Variants in MGST3 observed in about 807,000 individuals in gnomAD.
The protein encoded by MGST3 is glutathione S-transferase 3, mitochondrial.
In MGST3, 13 loss-of-function variants were observed where a neutral mutation model predicts 15.8. The ratio of observed to expected loss-of-function variants is 0.82; its 90% confidence interval spans 0.54 to 1.31. The LOEUF is 1.31. MGST3 is among the 50% of genes most tolerant of loss of function. MGST3 has a pLI of 0.00. For missense variants in MGST3, 155 were observed against 192.4 expected (o/e 0.81, Z 1.15); for synonymous variants, 49 against 68.1 (o/e 0.72, Z 1.38).
chr1:165,632,293 A>G (rs1268606039), intron 1 of MGST3: 3 of 1,612,178 alleles, frequency 1.9e-6, no homozygotes, highest in Non-Finnish European at 2.5e-6. Context: ...TGTTGGGCCT[A>G]GGTGTGGTCC....
At chr1:165,649,014 A>G (rs775344596) in intron 1 of MGST3, 10 of 152,322 alleles carry the variant, frequency 6.6e-5, no homozygotes, top group Non-Finnish European at 1.3e-4. Context: ...ATTACCAGGG[A>G]TGGAAATTTT....
intron 1 of MGST3, among the ~76,000 whole-genome samples, chr1:165,642,742 G>C (rs1012315257): frequency 2.6e-5 from 4 of 152,158 alleles, no homozygotes; most frequent in Non-Finnish European, 1.5e-5. Flanking sequence ...AGGAAACTGA[G>C]GTGCTGAAAG....
chr1:165,643,976 T>G lies in MGST3; in HGVS notation c.-7-5865T>G, dbSNP rs573291952. Among the ~76,000 whole-genome samples, 51 of 151,728 alleles carry G rather than the reference T, an allele frequency of 3.4e-4. 1 individual carries two copies. Among genetic ancestry groups the G allele is most frequent in the Admixed American group, 2.2e-3 (33 of 15,220 alleles). On this transcript the variant is annotated intron_variant, in intron 1 of 5. Transcript: ENST00000367889. Reference sequence around the variant, plus strand: ...GGGAGGCTGAGTTGGGAGGATCACCTGAGCCCAGAAGGTCAAGGCTGCAGT... The same window carrying G: ...GGGAGGCTGAGTTGGGAGGATCACCGGAGCCCAGAAGGTCAAGGCTGCAGT...
At chr1:165,635,999 G>A (rs1313542308) in intron 1 of MGST3, among the ~76,000 whole-genome samples, 2 of 152,136 alleles carry the variant, frequency 1.3e-5, no homozygotes, top group African/African-American at 4.8e-5. Context: ...TCATTACCTA[G>A]GTTTCTGTTC....
chr1:165,644,761 C>T (rs9333445), intron 1 of MGST3, among the ~76,000 whole-genome samples: 5,186 of 151,800 alleles, frequency 0.034, 95 homozygotes, highest in Non-Finnish European at 0.041. Flanking sequence ...TTTTTGTTTT[C>T]TTTTGTTTTT....
rs773665647 is a variant in MGST3 at position 165,634,505 on chromosome 1, A to G, written c.-8+3212A>G. On this transcript the variant is annotated intron_variant, in intron 1 of 5. Coordinates refer to ENST00000367889, the MANE Select transcript of MGST3 (RefSeq NM_004528.4). ...TCTCCTACTTTTCTTCCTCTAGTCT[A>G]TATCACTACCCTTCAGACACACTGG... is the stretch of plus-strand genomic sequence containing the variant. Among the ~76,000 whole-genome samples, 15 of 152,166 alleles carry G rather than the reference A, an allele frequency of 9.9e-5. No homozygotes were observed. In the South Asian group the frequency reaches 1.9e-3, roughly 19 times the overall value.
chr1:165,640,174 TG>T (rs1483191517), intron 1 of MGST3, among the ~76,000 whole-genome samples: 2 of 152,262 alleles, frequency 1.3e-5, no homozygotes, highest in Non-Finnish European at 2.9e-5. Context: ...AACCCAATGG[TG>T]GTCACAGGAT....
At chr1:165,651,759 G>A in intron 3 of MGST3, 1 of 480,500 alleles carries the variant, frequency 2.1e-6, no homozygotes, top group South Asian at 2.1e-5. Flanking sequence ...GCCAGGCATG[G>A]TGGCACGCAC....
chr1:165,633,908 T>C (rs1402826262), intron 1 of MGST3, among the ~76,000 whole-genome samples: 1 of 152,198 alleles, frequency 6.6e-6, no homozygotes, highest in Admixed American at 6.5e-5. Flanking sequence ...TGCAAACCTA[T>C]ATGCCTGAAA....
At position 165,649,964 on chromosome 1, in the gene MGST3, G is replaced by C. The variant is rs747362047; in HGVS notation, c.117G>C (p.Glu39Asp). ...AGGCCCGCAAGAAGTACAAAGTGGA[G>C]GTAAGTGGGAACACAAGCTGGTGCC... The part of the protein sequence containing the change: ...VSKARKKYKV[E>D]YPIMYSTDPE... The change falls in exon 2 of 6, where the codon GAG (glutamate) becomes GAC (aspartate). Residue 39 changes from glutamate (E) to aspartate (D), a missense_variant and splice_region_variant. Physicochemically the swap from Glu to Asp is conservative, Grantham distance 45. Transcript: ENST00000367889. 6.2e-7 allele frequency: 1 copy of C among 1,613,998 alleles called. No homozygotes were observed. Among genetic ancestry groups the C allele is most frequent in the African/African-American group, 1.3e-5 (1 of 75,040 alleles).
intron 1 of MGST3, among the ~76,000 whole-genome samples, chr1:165,640,721 T>C (rs1172324183): frequency 6.6e-6 from 1 of 152,180 alleles, no homozygotes; most frequent in Non-Finnish European, 1.5e-5. Flanking sequence ...TCTGTCTTCA[T>C]GCAAGTTGCT....
chr1:165,650,801 A>G (rs572719498), intron 2 of MGST3: 4 of 583,100 alleles, frequency 6.9e-6, no homozygotes, highest in Non-Finnish European at 1.2e-5. Context: ...GCAGACATAC[A>G]TTCTTATTCC....
At chr1:165,652,794 A>G (rs1648600477) in intron 4 of MGST3, among the ~76,000 whole-genome samples, 1 of 152,220 alleles carries the variant, frequency 6.6e-6, no homozygotes, top group South Asian at 2.1e-4. Context: ...GTGATGAGGC[A>G]GGTCACTGGG....
chr1:165,651,147 C>A, intron 3 of MGST3, 60 bp downstream of exon 3: 1 of 1,406,354 alleles, frequency 7.1e-7, no homozygotes, highest in Non-Finnish European at 1.0e-6. Context: ...TTCTGTCTAA[C>A]ACCTCAGCCC....
chr1:165,641,416 C>T (rs1364188079), intron 1 of MGST3, among the ~76,000 whole-genome samples: 1 of 152,142 alleles, frequency 6.6e-6, no homozygotes, highest in Non-Finnish European at 1.5e-5. Flanking sequence ...GTAGGAAACT[C>T]TATTTTGCAA....
chr1:165,654,412 C>G, intron 5 of MGST3, 61 bp downstream of exon 5: 1 of 1,487,196 alleles, frequency 6.7e-7, no homozygotes, highest in Admixed American at 1.7e-5. Flanking sequence ...CTATGCTGGC[C>G]AGGCACAGTG....
At chr1:165,638,924 A>C (rs888096094) in intron 1 of MGST3, among the ~76,000 whole-genome samples, 1 of 152,144 alleles carries the variant, frequency 6.6e-6, no homozygotes, top group South Asian at 2.1e-4. Flanking sequence ...CCCTAAGATG[A>C]GGAAAGAGGC....
intron 1 of MGST3, among the ~76,000 whole-genome samples, chr1:165,639,009 A>T (rs1290487760): frequency 2.6e-5 from 4 of 151,056 alleles, no homozygotes; most frequent in Non-Finnish European, 5.9e-5. Context: ...AGAAAAAAAA[A>T]TAAATAAAAG....
chr1:165,641,193 A>G (rs1364912325), intron 1 of MGST3, among the ~76,000 whole-genome samples: 1 of 151,830 alleles, frequency 6.6e-6, no homozygotes, highest in African/African-American at 2.4e-5. Flanking sequence ...AAAACAAAAA[A>G]AGAGTTCCCA....
Sources: gnomAD v4.1 joint callset for allele counts (sites outside exome capture counted in the v4.1 genomes callset) on GRCh38, gnomAD v4.1.1 for gene constraint, MANE v1.5 for transcripts, NCBI Gene and HGNC (gene_info 2026-07-23, HGNC 2026-07-21) for gene names.